Variants in CALB2 observed in about 807,000 individuals in gnomAD.
CALB2 encodes calbindin 2.
In CALB2, 34 loss-of-function variants were observed where a neutral mutation model predicts 45.9. The observed-to-expected ratio is 0.74, with a 90% CI of 0.56 to 0.99. The LOEUF (loss-of-function observed/expected upper bound fraction) is 0.99. Ranked by LOEUF, CALB2 falls within the 50% of genes least tolerant of loss-of-function variation. The pLI is 0.00. For missense variants in CALB2, 344 were observed against 339.3 expected, an observed-to-expected ratio of 1.01 and a Z score of -0.11; for synonymous variants, 142 against 129.6, an observed-to-expected ratio of 1.10 and a Z score of -0.65.
At chr16:71,377,787 C>T (rs1384619745) in intron 4 of CALB2, 40 bp downstream of exon 4, 3 of 1,462,062 alleles carry the variant, frequency 2.1e-6, no homozygotes, top group East Asian at 2.3e-5. Flanking sequence ...GCACTGGGAC[C>T]TGCCTTCCTC....
At chr16:71,384,667 ACAACACACACATCACACATG>A (rs2042547643) in intron 8 of CALB2, 96 bp from the exon 9 acceptor site, 1 of 498,550 alleles carries the variant, frequency 2.0e-6, no homozygotes, top group African/African-American at 3.2e-5. Flanking sequence ...CACCACACAC[ACAACACACACATCACACATG>A]CACACACCAC....
In CALB2 at chr16:71,358,724, G is replaced by C. The variant is rs948521047; in HGVS notation, c.-69G>C. On this transcript the variant is annotated 5_prime_UTR_variant, in exon 1 of 11. Transcript: ENST00000302628. ...AAGGGCAGCGTGGCGCACAACCCCA[G>C]CGCGAGTGCCAGAGCCCAGCCGGCG... 1.6e-6 allele frequency: 2 copies of C among 1,262,676 alleles called. No homozygotes were observed. Among genetic ancestry groups the C allele is most frequent in the Non-Finnish European group, 2.2e-6 (2 of 893,398 alleles). The allele number at this position is 1,262,676 out of a possible 1,614,324, so 78.2% of individuals were successfully genotyped here.
chr16:71,370,989 G>A (rs1349933961), intron 1 of CALB2, among the ~76,000 whole-genome samples: 1 of 152,122 alleles, frequency 6.6e-6, no homozygotes, highest in Non-Finnish European at 1.5e-5. Flanking sequence ...TCTGATCACT[G>A]CACTTTTCCC....
intron 10 of CALB2, among the ~76,000 whole-genome samples, chr16:71,386,328 G>A (rs746915243): frequency 1.1e-4 from 16 of 152,218 alleles, no homozygotes; most frequent in Non-Finnish European, 1.6e-4. Context: ...GTGTGAAAGT[G>A]TTAGCCAAAT....
rs1457623598 is a variant in CALB2 at position 71,374,824 on chromosome 16, A to G, written c.251A>G (p.Glu84Gly). The change falls in exon 3 of 11, where the codon GAG (glutamate) becomes GGG (glycine). Residue 84 changes from glutamate (E) to glycine (G), a missense_variant. By Grantham distance (98) the Glu-to-Gly change is moderately conservative. Coordinates refer to ENST00000302628, the MANE Select transcript of CALB2 (RefSeq NM_001740.5). ...GATAAAAACTCAGATGGGAAAATCGAGATGGCAGAGGTGAGCCCTGCCTCG... is the reference window on the plus strand; with the variant it reads ...GATAAAAACTCAGATGGGAAAATCGGGATGGCAGAGGTGAGCCCTGCCTCG... ...KYDKNSDGKI[E>G]MAELAQILPT... 3 of 1,610,958 alleles carry G rather than the reference A, an allele frequency of 1.9e-6. No individual in the cohort carries two copies. The highest frequency in any genetic ancestry group is 2.5e-6 in the Non-Finnish European group (3 of 1,177,318).
chr16:71,374,151 T>C (rs2042383859), intron 2 of CALB2, among the ~76,000 whole-genome samples: 1 of 152,226 alleles, frequency 6.6e-6, no homozygotes, highest in African/African-American at 2.4e-5. Context: ...CTTGAAGGAA[T>C]GTTTTAAGTT....
chr16:71,372,489 G>A (rs550521844), intron 2 of CALB2, among the ~76,000 whole-genome samples: 23 of 152,120 alleles, frequency 1.5e-4, no homozygotes, highest in African/African-American at 9.7e-5. Context: ...CTTTGTCTGC[G>A]TATGCGTATA....
intron 10 of CALB2, among the ~76,000 whole-genome samples, chr16:71,389,077 A>G (rs562002288): frequency 6.6e-6 from 1 of 151,020 alleles, no homozygotes; most frequent in Non-Finnish European, 1.5e-5. Context: ...AATCCCAGCT[A>G]CTTAGGAGGC....
At chr16:71,359,689 T>C (rs2042218952) in intron 1 of CALB2, among the ~76,000 whole-genome samples, 2 of 152,172 alleles carry the variant, frequency 1.3e-5, no homozygotes, top group Non-Finnish European at 2.9e-5. Flanking sequence ...CCCCCAGCAC[T>C]GGGATTCCAA....
At chr16:71,387,188 C>T (rs1300776306) in intron 10 of CALB2, among the ~76,000 whole-genome samples, 1 of 152,218 alleles carries the variant, frequency 6.6e-6, no homozygotes, top group African/African-American at 2.4e-5. Context: ...TGGTCATCAA[C>T]TCACTAAGCT....
chr16:71,380,107 GC>G (rs1235299352), intron 4 of CALB2, among the ~76,000 whole-genome samples: 1 of 151,876 alleles, frequency 6.6e-6, no homozygotes, highest in Admixed American at 6.6e-5. Flanking sequence ...CCAAAAATTG[GC>G]CTCTATTCCA....
Position 71,384,353 on chromosome 16 carries a change from A to T in CALB2, c.548A>T (p.Gln183Leu). 1 of 1,613,102 alleles carries T rather than the reference A, an allele frequency of 6.2e-7. No homozygotes were observed. The highest frequency in any genetic ancestry group is 1.1e-5 in the South Asian group (1 of 91,064). ...LSEMSRLLPV[Q>L]ENFLLKFQGM... The stretch of plus-strand genomic sequence containing the variant: ...TTTCTCCCCAGACTCCTGCCTGTCC[A>T]GGAAAACTTCCTGCTTAAATTTCAG... Residue 183 changes from glutamine to leucine, a missense_variant, in exon 8 of 11, where the codon CAG becomes CTG. Around this residue, in one of 3 missense-constraint regions of CALB2, gnomAD observed 263 missense variants for 241.7 expected, o/e 1.09. Coordinates refer to ENST00000302628, the MANE Select transcript of CALB2 (RefSeq NM_001740.5).
chr16:71,386,935 A>C (rs1489128380), intron 10 of CALB2, among the ~76,000 whole-genome samples: 1 of 152,210 alleles, frequency 6.6e-6, no homozygotes, highest in Admixed American at 6.5e-5. Context: ...AAGGAAGCAA[A>C]TACTTCCTGG....
chr16:71,370,241 AG>A (rs756649377), intron 1 of CALB2, among the ~76,000 whole-genome samples: 23 of 152,214 alleles, frequency 1.5e-4, no homozygotes, highest in Non-Finnish European at 2.9e-4. Context: ...GGGCCCTAGG[AG>A]GAGAGGCTGG....
intron 10 of CALB2, among the ~76,000 whole-genome samples, chr16:71,388,990 T>C (rs1295015070): frequency 1.2e-4 from 10 of 84,998 alleles, no homozygotes; most frequent in Admixed American, 1.8e-4. Context: ...AGAGCAAGAC[T>C]CCATCTCAAA....
chr16:71,389,367 C>T (rs2042609990), intron 10 of CALB2, among the ~76,000 whole-genome samples: 2 of 152,138 alleles, frequency 1.3e-5, no homozygotes, highest in African/African-American at 4.8e-5. Context: ...ATATACAAGT[C>T]ATACATAGAT....
rs1456122729 is a variant in CALB2 at position 71,358,852 on chromosome 16, GT to G, written c.62del (p.Phe21SerfsTer21). On this transcript the variant is annotated frameshift_variant, in exon 1 of 11. Transcript: ENST00000302628. LOFTEE classifies it high-confidence loss of function. Reference sequence around the variant, plus strand: ...ACCTGGCCGAGCTGACGGCGTCCCAGTTCCTGGAAATATGGAAGCACTTTGA... The same window carrying G: ...ACCTGGCCGAGCTGACGGCGTCCCAGTCCTGGAAATATGGAAGCACTTTGA... ...LHLAELTASQ[F>X]LEIWKHFDAD... 4 of 1,613,152 alleles carry G rather than the reference GT, an allele frequency of 2.5e-6. No homozygotes were observed. Among genetic ancestry groups the G allele is most frequent in the Non-Finnish European group, 3.4e-6 (4 of 1,179,858 alleles).
rs147870751 is a variant in CALB2, at chr16:71,383,293, A to G, written c.400-74A>G. On this transcript the variant is annotated intron_variant, in intron 5 of 10. Coordinates refer to ENST00000302628, the MANE Select transcript of CALB2 (RefSeq NM_001740.5). Reference sequence around the variant, plus strand: ...ACACACACATTGAGAGACTGTCTGAATGAGCAAGTAAGGAAATGAATGAGG... The same window carrying G: ...ACACACACATTGAGAGACTGTCTGAGTGAGCAAGTAAGGAAATGAATGAGG... The G allele has an allele frequency of 1.1e-3, 1,407 of 1,320,958 alleles. 1 individual carries two copies. Among genetic ancestry groups the G allele is most frequent in the Non-Finnish European group, 1.4e-3 (1,279 of 924,610 alleles). 81.8% of individuals were successfully genotyped at this position (1,320,958 alleles called of 1,614,324 possible).
Position 71,358,786 on chromosome 16 carries a change from G to A in CALB2, c.-7G>A. 2 of 1,600,876 alleles carry A rather than the reference G, an allele frequency of 1.2e-6. No homozygotes were observed. Among genetic ancestry groups the A allele is most frequent in the Non-Finnish European group, 1.7e-6 (2 of 1,175,122 alleles). On this transcript the variant is annotated 5_prime_UTR_variant, in exon 1 of 11. Transcript: ENST00000302628. ...CGGTGCAGGCTGAGGTCTCCGAGCG[G>A]CTCGCCATGGCTGGCCCGCAGCAGC...
Sources: allele counts gnomAD v4.1 joint callset (sites outside exome capture counted in the v4.1 genomes callset), GRCh38; gene constraint gnomAD v4.1.1; regional missense constraint gnomAD v4.1.1; transcripts MANE v1.5; gene names NCBI Gene and HGNC (gene_info 2026-07-23, HGNC 2026-07-21).